LPAR1: variants seen among roughly 807,000 people sequenced by gnomAD.
The protein encoded by LPAR1 is lysophosphatidic acid receptor 1.
A neutral mutation model predicts 23.8 loss-of-function variants in LPAR1; 5 were observed. That is an observed-to-expected ratio of 0.21 (90% CI 0.11 to 0.44). The LOEUF is 0.44. LPAR1 is among the 20% of genes least tolerant of loss of function. The probability of loss-of-function intolerance (pLI) is 0.99; values close to 1 mark genes in which losing one functional copy is unlikely to be tolerated. For missense variants in LPAR1, 311 were observed against 482.8 expected (o/e 0.64, Z 3.33); for synonymous variants, 160 against 164.7 (o/e 0.97, Z 0.22).
intron 5 of LPAR1, among the ~76,000 whole-genome samples, chr9:110,926,572 G>C (rs2094048830): frequency 6.6e-6 from 1 of 152,100 alleles, no homozygotes; most frequent in Non-Finnish European, 1.5e-5. Flanking sequence ...AATTTTCCTA[G>C]GGTGATAAAA....
At chr9:110,918,774 C>T (rs954762534) in intron 5 of LPAR1, among the ~76,000 whole-genome samples, 11 of 152,196 alleles carry the variant, frequency 7.2e-5, no homozygotes, top group African/African-American at 2.7e-4. Flanking sequence ...GACTAATATT[C>T]CTGGCAAAAA....
intron 2 of LPAR1, among the ~76,000 whole-genome samples, chr9:111,001,951 C>A (rs1407175264): frequency 1.3e-5 from 2 of 151,924 alleles, no homozygotes; most frequent in African/African-American, 4.8e-5. Context: ...TAATCAATAC[C>A]CTGGATAAAA....
At chr9:110,955,813 G>A (rs1472855056) in intron 4 of LPAR1, among the ~76,000 whole-genome samples, 1 of 150,098 alleles carries the variant, frequency 6.7e-6, no homozygotes, top group Non-Finnish European at 1.5e-5. Context: ...ATTGGGTCAA[G>A]GAAGAAATTA....
Position 110,983,116 on chromosome 9 carries a change from A to T in LPAR1, c.-181-9558T>A, listed in dbSNP as rs1453308131. Among the ~76,000 whole-genome samples the T allele has an allele frequency of 5.9e-5, 9 of 152,162 alleles. No homozygotes were observed. The South Asian group carries it at 1.7e-3, about 28-fold the overall frequency. On this transcript the variant is annotated intron_variant, in intron 2 of 5. Transcript: ENST00000683809. The stretch of plus-strand genomic sequence containing the variant: ...AACAGTATAGAGGTTCCTCAAAAAA[A>T]TTAAAATAGGATTACCATATGATTT...
intron 5 of LPAR1, among the ~76,000 whole-genome samples, chr9:110,927,723 G>GA (rs1201205925): frequency 1.3e-5 from 2 of 151,974 alleles, no homozygotes; most frequent in African/African-American, 4.8e-5. Flanking sequence ...AACGTGAGAG[G>GA]AAAAATAACT....
At chr9:111,019,136 G>A (rs943301844) in intron 2 of LPAR1, among the ~76,000 whole-genome samples, 2 of 152,026 alleles carry the variant, frequency 1.3e-5, no homozygotes, top group Admixed American at 6.6e-5. Flanking sequence ...TTTAAATATT[G>A]CCATAATGTG....
chr9:111,012,469 GCACA>G (rs3030186), intron 2 of LPAR1, among the ~76,000 whole-genome samples: 63,492 of 149,872 alleles, frequency 0.42, 13,490 homozygotes, highest in Admixed American at 0.45. Flanking sequence ...ACGCACGCGC[GCACA>G]CACACACACA....
At chr9:110,903,062 T>C (rs1478031269) in intron 5 of LPAR1, among the ~76,000 whole-genome samples, 1 of 152,100 alleles carries the variant, frequency 6.6e-6, no homozygotes, top group Non-Finnish European at 1.5e-5. Flanking sequence ...AAACAAAAGA[T>C]TTAAATCAGA....
intron 2 of LPAR1, among the ~76,000 whole-genome samples, chr9:111,010,057 A>G (rs1445907077): frequency 9.0e-6 from 1 of 111,198 alleles, no homozygotes; most frequent in Non-Finnish European, 1.8e-5. Context: ...GGATACATAG[A>G]TAGGTCAGTT....
chr9:110,909,729 G>GTATTTATTTATTTATTTATTTATT (rs56693702), intron 5 of LPAR1, among the ~76,000 whole-genome samples: 6 of 147,876 alleles, frequency 4.1e-5, no homozygotes, highest in African/African-American at 7.5e-5. Context: ...ATTAAATAAA[G>GTATTTATTTATTTATTTATTTATT]TATTTATTTA....
chr9:110,959,434 G>A (rs1433446703), intron 4 of LPAR1, among the ~76,000 whole-genome samples: 6 of 151,722 alleles, frequency 4.0e-5, no homozygotes, highest in East Asian at 1.9e-4. Context: ...TGGGCAACAC[G>A]GTGAAACCCC....
At chr9:110,883,517 G>A (rs1397393869) in intron 5 of LPAR1, among the ~76,000 whole-genome samples, 8 of 152,074 alleles carry the variant, frequency 5.3e-5, no homozygotes, top group Non-Finnish European at 7.4e-5. Context: ...AGAAAAGACA[G>A]AAGCAAAAGC....
In LPAR1 at chr9:111,009,385, T is replaced by A. The variant is rs184802558; in HGVS notation, c.-182+26737A>T. On this transcript the variant is annotated intron_variant, in intron 2 of 5. Transcript: ENST00000683809. ...CAGGAATGAGATTTAAAAAAAAAAATTCATACCAAAACAAATTTTATTGAG... is the reference window on the plus strand; with the variant it reads ...CAGGAATGAGATTTAAAAAAAAAAAATCATACCAAAACAAATTTTATTGAG... 5.1e-4 allele frequency among the ~76,000 whole-genome samples: 78 copies of A among 152,026 alleles called. No homozygotes were observed. The East Asian group carries it at 0.013, about 26-fold the overall frequency.
chr9:110,927,867 C>T (rs569564320), intron 5 of LPAR1, among the ~76,000 whole-genome samples: 6 of 152,100 alleles, frequency 3.9e-5, no homozygotes, highest in South Asian at 2.1e-4. Flanking sequence ...ATCTGAAACT[C>T]GTAGCAAACT....
At chr9:110,883,174 G>C (rs904391204) in intron 5 of LPAR1, among the ~76,000 whole-genome samples, 2 of 152,062 alleles carry the variant, frequency 1.3e-5, no homozygotes, top group African/African-American at 4.8e-5. Flanking sequence ...TGAATAGCAG[G>C]GATTACAGGT....
At chr9:110,983,812 T>C (rs1588682083) in intron 2 of LPAR1, among the ~76,000 whole-genome samples, 1 of 151,320 alleles carries the variant, frequency 6.6e-6, no homozygotes, top group Admixed American at 6.6e-5. Flanking sequence ...GGGAAAAAAA[T>C]GGGCTGGACA....
intron 4 of LPAR1, among the ~76,000 whole-genome samples, chr9:110,966,140 G>C (rs1387348232): frequency 6.6e-6 from 1 of 152,234 alleles, no homozygotes; most frequent in South Asian, 2.1e-4. Context: ...TGGGGGAAAA[G>C]GGGAGGGAGA....
At position 110,873,996 on chromosome 9, in the gene LPAR1, T is replaced by C. The variant is rs956308835; in HGVS notation, c.*1425A>G. On this transcript the variant is annotated 3_prime_UTR_variant, in exon 6 of 6. Transcript: ENST00000683809. ...TCTCAACTGAAGTGACCACTGCATT[T>C]CTTTTGTAAAAAGGTCATTTGACTG... 1 of 152,652 alleles carries C rather than the reference T, an allele frequency of 6.6e-6. No individual in the cohort carries two copies. The highest frequency in any genetic ancestry group is 1.5e-5 in the Non-Finnish European group (1 of 68,036). The allele number at this position is 152,652 out of a possible 1,614,324, so 9.5% of individuals were successfully genotyped here.
At chr9:110,909,730 T>G (rs949778837) in intron 5 of LPAR1, among the ~76,000 whole-genome samples, 7 of 47,908 alleles carry the variant, frequency 1.5e-4, no homozygotes, top group African/African-American at 1.3e-3. Flanking sequence ...TTAAATAAAG[T>G]ATTTATTTAT....
Sources: allele counts gnomAD v4.1 joint callset (sites outside exome capture counted in the v4.1 genomes callset), GRCh38; gene constraint gnomAD v4.1.1; transcripts MANE v1.5; gene names NCBI Gene and HGNC (gene_info 2026-07-23, HGNC 2026-07-21).